Variants in NREP observed in about 807,000 individuals in gnomAD.
NREP encodes neuronal regeneration related protein.
NREP carries 5 observed loss-of-function variants against 8.6 expected under a neutral mutation model. The ratio of observed to expected loss-of-function variants is 0.58; its 90% CI spans 0.30 to 1.22. The LOEUF is 1.22. Among genes scored for constraint, NREP ranks in the 50% most tolerant of loss-of-function variants. The probability of loss-of-function intolerance (pLI) is 0.07; values close to 1 mark genes in which losing one functional copy is unlikely to be tolerated. For missense variants in NREP, 86 were observed against 82.5 expected (o/e 1.04, Z -0.17); for synonymous variants, 27 against 28.0 (o/e 0.96, Z 0.11).
chr5:111,840,536 C>G (rs1753004365), intron 2 of NREP, among the ~76,000 whole-genome samples: 1 of 152,064 alleles, frequency 6.6e-6, no homozygotes, highest in African/African-American at 2.4e-5. Flanking sequence ...TACCTGCAGT[C>G]CAGTGCATTC....
chr5:111,951,641 A>G (rs1329047626), intron 2 of NREP, among the ~76,000 whole-genome samples: 1 of 152,112 alleles, frequency 6.6e-6, no homozygotes, highest in Non-Finnish European at 1.5e-5. Flanking sequence ...CTCTATGAGT[A>G]TTCAATTTTA....
intron 2 of NREP, among the ~76,000 whole-genome samples, chr5:111,838,866 C>A (rs1287840317): frequency 6.6e-6 from 1 of 151,832 alleles, no homozygotes; most frequent in Non-Finnish European, 1.5e-5. Flanking sequence ...CTGATGTATA[C>A]ACAGATGAGC....
chr5:111,757,936 A>G (rs1430016542), upstream of NREP: 1 of 985,394 alleles, frequency 1.0e-6, no homozygotes, highest in Non-Finnish European at 1.2e-6. Context: ...CCGTACTGTA[A>G]TAATAAACCT....
chr5:111,881,304 A>C (rs1474689448), intron 2 of NREP, among the ~76,000 whole-genome samples: 1 of 152,200 alleles, frequency 6.6e-6, no homozygotes, highest in East Asian at 1.9e-4. Flanking sequence ...AGGCTTGCTT[A>C]GGTAAACAAA....
At chr5:111,953,907 T>A (rs185578673) in intron 2 of NREP, among the ~76,000 whole-genome samples, 2 of 152,248 alleles carry the variant, frequency 1.3e-5, no homozygotes, top group East Asian at 3.9e-4. Context: ...GGATGATACA[T>A]CCCAGTCTCA....
chr5:111,975,177 C>A, intron 2 of NREP: 2 of 797,802 alleles, frequency 2.5e-6, no homozygotes, highest in Non-Finnish European at 4.2e-6. Flanking sequence ...GTGGGAATGA[C>A]TGCACCAGTT....
chr5:111,959,923 T>A (rs1756435431), intron 2 of NREP, among the ~76,000 whole-genome samples: 1 of 152,000 alleles, frequency 6.6e-6, no homozygotes. Context: ...ATAACCAGGA[T>A]TTTTTCATGA....
intron 2 of NREP, among the ~76,000 whole-genome samples, chr5:111,880,841 G>A (rs1016904414): frequency 2.0e-5 from 3 of 149,542 alleles, no homozygotes; most frequent in Non-Finnish European, 4.4e-5. Context: ...GGCTCATAGA[G>A]GCAGCCAAGA....
At chr5:111,833,991 T>G (rs1752835222) in intron 2 of NREP, among the ~76,000 whole-genome samples, 1 of 152,160 alleles carries the variant, frequency 6.6e-6, no homozygotes, top group Non-Finnish European at 1.5e-5. Flanking sequence ...GCAGTTTTAC[T>G]CCCTGTTATA....
At chr5:111,813,667 G>A (rs1008329531) in intron 2 of NREP, among the ~76,000 whole-genome samples, 1 of 151,980 alleles carries the variant, frequency 6.6e-6, no homozygotes, top group African/African-American at 2.4e-5. Context: ...ACTATTTTTA[G>A]TAATTGACCT....
intron 2 of NREP, among the ~76,000 whole-genome samples, chr5:111,887,448 T>A (rs1322099872): frequency 6.6e-6 from 1 of 152,172 alleles, no homozygotes; most frequent in Non-Finnish European, 1.5e-5. Flanking sequence ...GATTACAATA[T>A]CTCTATATGC....
chr5:111,757,770 C>CCCGCCCCCGGCCAGCCTCT, upstream of NREP: 1 of 980,340 alleles, frequency 1.0e-6, no homozygotes, highest in East Asian at 1.1e-4. Flanking sequence ...GGCCTTCCTC[C>CCCGCCCCCGGCCAGCCTCT]CCGCCCCCGG....
intron 2 of NREP, among the ~76,000 whole-genome samples, chr5:111,737,037 C>G (rs964784675): frequency 6.6e-6 from 1 of 152,188 alleles, no homozygotes; most frequent in South Asian, 2.1e-4. Flanking sequence ...TCTGCAAGAG[C>G]TAGAACTATT....
At chr5:111,860,559 GTC>G (rs548247189) in intron 2 of NREP, among the ~76,000 whole-genome samples, 1 of 151,488 alleles carries the variant, frequency 6.6e-6, no homozygotes, top group Non-Finnish European at 1.5e-5. Context: ...CCAGAGTCCA[GTC>G]TCTCTCTCTC....
chr5:111,884,784 C>CT (rs1754193395), intron 2 of NREP, among the ~76,000 whole-genome samples: 1 of 152,166 alleles, frequency 6.6e-6, no homozygotes, highest in African/African-American at 2.4e-5. Context: ...ATGCTTCGTG[C>CT]TAAAAACTCT....
intron 2 of NREP, among the ~76,000 whole-genome samples, chr5:111,814,624 A>G (rs768576769): frequency 1.1e-4 from 17 of 152,148 alleles, no homozygotes; most frequent in Non-Finnish European, 2.2e-4. Flanking sequence ...TGTACCAGGT[A>G]CAGTGCTGAC....
intron 2 of NREP, among the ~76,000 whole-genome samples, chr5:111,785,614 C>T (rs1243555567): frequency 6.6e-6 from 1 of 152,046 alleles, no homozygotes; most frequent in African/African-American, 2.4e-5. Flanking sequence ...TTGGAAGCTA[C>T]TGTTGGTAAA....
chr5:111,902,472 A>C (rs1266924513), intron 2 of NREP, among the ~76,000 whole-genome samples: 2 of 152,140 alleles, frequency 1.3e-5, no homozygotes, highest in Non-Finnish European at 1.5e-5. Context: ...GTAACAGGAG[A>C]TGAAACGTGG....
chr5:111,870,942 A>G (rs1358013321), intron 2 of NREP, among the ~76,000 whole-genome samples: 1 of 152,130 alleles, frequency 6.6e-6, no homozygotes, highest in African/African-American at 2.4e-5. Flanking sequence ...AAATTTTTAA[A>G]AGTACTTTGA....
Sources: allele counts gnomAD v4.1 joint callset (sites outside exome capture counted in the v4.1 genomes callset), GRCh38; gene constraint gnomAD v4.1.1; transcripts MANE v1.5; gene names NCBI Gene and HGNC (gene_info 2026-07-23, HGNC 2026-07-21).